CSMD1: variants seen among roughly 807,000 people sequenced by gnomAD.
CSMD1 encodes CUB and sushi domain-containing protein 1.
CSMD1 carries 213 observed loss-of-function variants against 417.5 expected under a neutral mutation model. The ratio of observed to expected loss-of-function variants is 0.51; its 90% CI spans 0.46 to 0.57. The LOEUF (loss-of-function observed/expected upper bound fraction) is 0.57, where lower values mean the gene tolerates loss of function less well. Ranked by LOEUF, CSMD1 falls within the 20% of genes least tolerant of loss-of-function variation. CSMD1 has a pLI of 0.00. For synonymous variants in CSMD1, 2,862 were observed against 1,736.8 expected, an observed-to-expected ratio of 1.65 and a Z score of -16.11; for missense variants, 6,923 against 4,529.7, an observed-to-expected ratio of 1.53 and a Z score of -15.17.
At chr8:4,747,380 G>A (rs1036351786) in intron 1 of CSMD1, among the ~76,000 whole-genome samples, 2 of 152,084 alleles carry the variant, frequency 1.3e-5, no homozygotes, top group African/African-American at 4.8e-5. Context: ...TTTTCATGGC[G>A]AGACACACAA....
intron 3 of CSMD1, among the ~76,000 whole-genome samples, chr8:4,136,301 G>T (rs1012909480): frequency 6.6e-6 from 1 of 152,160 alleles, no homozygotes. Context: ...TCTTTTTTTA[G>T]CTTCCAGATT....
intron 3 of CSMD1, among the ~76,000 whole-genome samples, chr8:4,233,349 C>T (rs1005771378): frequency 6.6e-6 from 1 of 152,098 alleles, no homozygotes; most frequent in African/African-American, 2.4e-5. Flanking sequence ...TTAAAAGTAC[C>T]TACATTAGTT....
intron 1 of CSMD1, among the ~76,000 whole-genome samples, chr8:4,756,450 A>G (rs577216274): frequency 6.6e-6 from 1 of 152,346 alleles, no homozygotes; most frequent in East Asian, 1.9e-4. Context: ...CCTAAACGCT[A>G]AAAGTTAATT....
At chr8:4,163,279 G>C (rs973883827) in intron 3 of CSMD1, among the ~76,000 whole-genome samples, 4 of 152,244 alleles carry the variant, frequency 2.6e-5, no homozygotes, top group African/African-American at 2.4e-5. Context: ...TGCATGTTGA[G>C]AGTATGTTTA....
intron 3 of CSMD1, among the ~76,000 whole-genome samples, chr8:4,325,462 G>A (rs919117771): frequency 3.3e-5 from 5 of 152,090 alleles, no homozygotes; most frequent in African/African-American, 7.2e-5. Flanking sequence ...TGTAAGAATC[G>A]TCTACTTTCA....
At chr8:3,244,735 AGGGTTGAAT>A (rs1563180429) in intron 26 of CSMD1, among the ~76,000 whole-genome samples, 1 of 152,204 alleles carries the variant, frequency 6.6e-6, no homozygotes, top group Admixed American at 6.5e-5. Context: ...TTGGGAAACA[AGGGTTGAAT>A]GGGAGGGATA....
chr8:4,529,593 C>A (rs957149755), intron 2 of CSMD1, among the ~76,000 whole-genome samples: 3 of 152,096 alleles, frequency 2.0e-5, no homozygotes, highest in African/African-American at 7.2e-5. Context: ...TCCTTGGGGG[C>A]AGTGTTGCCA....
At chr8:3,871,124 A>G (rs1010111071) in intron 5 of CSMD1, among the ~76,000 whole-genome samples, 1 of 152,056 alleles carries the variant, frequency 6.6e-6, no homozygotes, top group Non-Finnish European at 1.5e-5. Flanking sequence ...AATATTTTCA[A>G]TTTTTTAAAA....
At chr8:3,443,862 T>C (rs1231020035) in intron 12 of CSMD1, among the ~76,000 whole-genome samples, 1 of 152,210 alleles carries the variant, frequency 6.6e-6, no homozygotes, top group Non-Finnish European at 1.5e-5. Context: ...ATGTTGGTAT[T>C]GCTTTCAAAT....
chr8:3,898,927 C>T (rs1009085612), intron 5 of CSMD1, among the ~76,000 whole-genome samples: 2 of 152,130 alleles, frequency 1.3e-5, no homozygotes, highest in Admixed American at 1.3e-4. Context: ...TATTCAAGAA[C>T]CTCTGCCCTC....
chr8:4,237,426 T>C (rs1250978771), intron 3 of CSMD1, among the ~76,000 whole-genome samples: 1 of 152,194 alleles, frequency 6.6e-6, no homozygotes. Context: ...TTTTTGTGAA[T>C]ATTTAATATG....
intron 3 of CSMD1, among the ~76,000 whole-genome samples, chr8:4,172,403 G>T (rs1314755590): frequency 6.6e-6 from 1 of 151,960 alleles, no homozygotes; most frequent in Admixed American, 6.6e-5. Context: ...TAGCCAGTGG[G>T]TCTCATGGCT....
chr8:3,622,985 C>T (rs569656080), intron 7 of CSMD1, among the ~76,000 whole-genome samples: 31 of 152,176 alleles, frequency 2.0e-4, no homozygotes, highest in Middle Eastern at 3.4e-3. Flanking sequence ...TCTCATAGAA[C>T]ACATGACATA....
At chr8:4,241,552 C>A (rs894959524) in intron 3 of CSMD1, among the ~76,000 whole-genome samples, 2 of 152,190 alleles carry the variant, frequency 1.3e-5, no homozygotes, top group African/African-American at 4.8e-5. Flanking sequence ...TATGTCCATG[C>A]TTAGCACAAA....
chr8:3,341,026 C>T (rs941770778), intron 23 of CSMD1, among the ~76,000 whole-genome samples: 2 of 152,178 alleles, frequency 1.3e-5, no homozygotes, highest in African/African-American at 4.8e-5. Flanking sequence ...AAAGTGCCCA[C>T]AAACAGATGA....
chr8:3,294,265 G>C (rs1350403973), intron 25 of CSMD1, among the ~76,000 whole-genome samples: 2 of 152,174 alleles, frequency 1.3e-5, no homozygotes, highest in African/African-American at 4.8e-5. Flanking sequence ...GGCTACTCAG[G>C]GGTCAGGGAC....
chr8:3,656,347 T>C (rs551405098), intron 7 of CSMD1, among the ~76,000 whole-genome samples: 1 of 152,294 alleles, frequency 6.6e-6, no homozygotes, highest in African/African-American at 2.4e-5. Flanking sequence ...AGAAAAGCTT[T>C]CCAGCGCGGC....
intron 3 of CSMD1, among the ~76,000 whole-genome samples, chr8:4,200,246 T>C (rs1256546621): frequency 1.3e-5 from 2 of 152,214 alleles, no homozygotes; most frequent in Admixed American, 6.5e-5. Flanking sequence ...AATTCCTCTA[T>C]TCAATACACT....
intron 1 of CSMD1, among the ~76,000 whole-genome samples, chr8:4,923,438 T>G (rs774092404): frequency 6.6e-6 from 1 of 152,210 alleles, no homozygotes; most frequent in Non-Finnish European, 1.5e-5. Context: ...ATATACATTC[T>G]CCATGGTGTG....
Sources: gnomAD v4.1 joint callset for allele counts (sites outside exome capture counted in the v4.1 genomes callset) on GRCh38, gnomAD v4.1.1 for gene constraint, MANE v1.5 for transcripts, NCBI Gene and HGNC (gene_info 2026-07-23, HGNC 2026-07-21) for gene names.